ADIG: variants seen among roughly 807,000 people sequenced by gnomAD.
The protein encoded by ADIG is adipogenesis associated.
A neutral mutation model predicts 10.7 loss-of-function variants in ADIG; 12 were observed. The ratio of observed to expected loss-of-function variants is 1.12; its 90% CI spans 0.72 to 1.82. ADIG has a LOEUF of 1.82. Among genes scored for constraint, ADIG ranks in the 40% most tolerant of loss-of-function variants. The probability of loss-of-function intolerance (pLI) is 0.00; values close to 1 mark genes in which losing one functional copy is unlikely to be tolerated. For synonymous variants in ADIG, 32 were observed against 35.6 expected (o/e 0.90, Z 0.36); for missense variants, 72 against 92.5 (o/e 0.78, Z 0.91).
chr20:38,587,280 T>A (rs1184869717), intron 2 of ADIG, among the ~76,000 whole-genome samples: 2 of 126,134 alleles, frequency 1.6e-5, no homozygotes, highest in African/African-American at 4.7e-5. Flanking sequence ...TGAAGTTGGT[T>A]CATGCAGTGT....
At chr20:38,586,424 C>A (rs933581897) in intron 2 of ADIG, among the ~76,000 whole-genome samples, 2 of 152,208 alleles carry the variant, frequency 1.3e-5, no homozygotes, top group African/African-American at 4.8e-5. Context: ...TCACCCCCCA[C>A]CACTTTCCTG....
intron 1 of ADIG, 71 bp from the exon 2 acceptor site, chr20:38,585,958 G>T: frequency 6.9e-7 from 1 of 1,447,446 alleles, no homozygotes; most frequent in South Asian, 1.3e-5. Flanking sequence ...CCTGGCAGGG[G>T]ACTCCTTCCT....
At chr20:38,582,225 C>T (rs1315694119) in intron 1 of ADIG, among the ~76,000 whole-genome samples, 6 of 152,284 alleles carry the variant, frequency 3.9e-5, no homozygotes, top group African/African-American at 9.6e-5. Flanking sequence ...GGCTGGGCAA[C>T]GTCCCTACAA....
rs372230740 is a variant in ADIG at position 38,588,461 on chromosome 20, C to A, written c.*375C>A. Reference sequence around the variant, plus strand: ...CATACCCGGGGGACCCCTGACAAACCTACCAGGCCTGACCAAGTCATTCAT... The same window carrying A: ...CATACCCGGGGGACCCCTGACAAACATACCAGGCCTGACCAAGTCATTCAT... On this transcript the variant is annotated 3_prime_UTR_variant, in exon 3 of 3. Transcript: ENST00000537425. The A allele has an allele frequency of 8.3e-7, 1 of 1,207,878 alleles. No individual in the cohort carries two copies. 74.8% of individuals were successfully genotyped at this position (1,207,878 alleles called of 1,614,324 possible). A position where few individuals can be genotyped will look rare whatever the true frequency, so the allele number is the denominator to read the frequency against.
At chr20:38,583,015 A>G (rs2088602240) in intron 1 of ADIG, among the ~76,000 whole-genome samples, 1 of 151,908 alleles carries the variant, frequency 6.6e-6, no homozygotes, top group African/African-American at 2.4e-5. Flanking sequence ...ATGGGGTTTC[A>G]CCATGTTAGC....
intron 2 of ADIG, among the ~76,000 whole-genome samples, chr20:38,586,790 C>T (rs535241796): frequency 1.3e-4 from 20 of 152,104 alleles, no homozygotes; most frequent in Non-Finnish European, 1.8e-4. Context: ...CTGTCTGAAC[C>T]GTTCCCCTTC....
Position 38,584,664 on chromosome 20 carries a change from T to G in ADIG, c.125-1365T>G, listed in dbSNP as rs1260327132. Among the ~76,000 whole-genome samples the G allele has an allele frequency of 2.0e-5, 3 of 152,318 alleles. No homozygotes were observed. In the East Asian group the frequency reaches 5.8e-4, roughly 29 times the overall value. The stretch of plus-strand genomic sequence containing the variant: ...AGTACAAAAAATACTAGTAATTGAC[T>G]TCAGGAAGGTGTTAAGAGGATCAGA... On this transcript the variant is annotated intron_variant, in intron 1 of 2. Transcript: ENST00000537425.
chr20:38,584,881 G>C (rs943678045), intron 1 of ADIG, among the ~76,000 whole-genome samples: 1 of 152,056 alleles, frequency 6.6e-6, no homozygotes, highest in Non-Finnish European at 1.5e-5. Context: ...TGGTTCAAGC[G>C]ATTCTCCTGC....
intron 1 of ADIG, chr20:38,585,783 G>C: frequency 1.6e-6 from 1 of 607,410 alleles, no homozygotes; most frequent in Non-Finnish European, 2.9e-6. Context: ...GCTCACCTCT[G>C]TGTCCTCCCC....
In ADIG at chr20:38,581,276, T is replaced by TGAAC; in HGVS notation, c.29_32dup (p.Asp11GlufsTer31). On this transcript the variant is annotated frameshift_variant, in exon 1 of 3. Coordinates refer to ENST00000537425, the MANE Select transcript of ADIG (RefSeq NM_001393816.1). LOFTEE classifies it high-confidence loss of function. The stretch of plus-strand genomic sequence containing the variant: ...ATGAAGTACCCTTTGATGCCGCTGG[T>TGAAC]GAACGACCTCACATTTTCTTTCCTG... 1 of 1,613,658 alleles carries TGAAC rather than the reference T, an allele frequency of 6.2e-7. No individual in the cohort carries two copies. Among genetic ancestry groups the TGAAC allele is most frequent in the Non-Finnish European group, 8.5e-7 (1 of 1,179,796 alleles).
intron 1 of ADIG, among the ~76,000 whole-genome samples, chr20:38,584,640 G>A (rs534578517): frequency 6.6e-6 from 1 of 152,316 alleles, no homozygotes; most frequent in South Asian, 2.1e-4. Flanking sequence ...CATCTGTAAA[G>A]TACAAAAAAT....
intron 1 of ADIG, among the ~76,000 whole-genome samples, chr20:38,582,103 TC>T (rs975664779): frequency 9.9e-5 from 15 of 152,258 alleles, no homozygotes; most frequent in Admixed American, 8.5e-4. Flanking sequence ...TCCCTGAGCA[TC>T]CCCTTCAGCA....
chr20:38,585,962 C>G, intron 1 of ADIG, 67 bp from the exon 2 acceptor site: 4 of 1,486,386 alleles, frequency 2.7e-6, no homozygotes, highest in Non-Finnish European at 3.7e-6. Context: ...GCAGGGGACT[C>G]CTTCCTGGGT....
At chr20:38,584,838 C>T (rs1035250768) in intron 1 of ADIG, among the ~76,000 whole-genome samples, 2 of 151,670 alleles carry the variant, frequency 1.3e-5, no homozygotes, top group Non-Finnish European at 1.5e-5. Context: ...AGTGCAGTGG[C>T]GCGATCTCGG....
At chr20:38,585,611 G>A (rs2088629487) in intron 1 of ADIG, 11 of 1,363,288 alleles carry the variant, frequency 8.1e-6, no homozygotes, top group Non-Finnish European at 1.1e-5. Flanking sequence ...TTGTTCGTGT[G>A]TGCGTGTTTC....
intron 1 of ADIG, among the ~76,000 whole-genome samples, chr20:38,583,797 CG>C (rs1311128793): frequency 6.6e-6 from 1 of 152,204 alleles, no homozygotes; most frequent in Non-Finnish European, 1.5e-5. Context: ...TGTCATGTGG[CG>C]TTTTGAAATA....
chr20:38,585,791 C>G (rs574759526), intron 1 of ADIG: 4 of 607,914 alleles, frequency 6.6e-6, no homozygotes, highest in Non-Finnish European at 8.7e-6. Context: ...CTGTGTCCTC[C>G]CCTCTAGATA....
intron 1 of ADIG, 119 bp downstream of exon 1, chr20:38,581,493 C>T (rs182168213): frequency 1.3e-5 from 18 of 1,405,644 alleles, no homozygotes; most frequent in Non-Finnish European, 1.7e-5. Context: ...TTTAAGTGCT[C>T]GCTTAGATAC....
At chr20:38,582,079 C>T (rs2088595322) in intron 1 of ADIG, among the ~76,000 whole-genome samples, 1 of 152,146 alleles carries the variant, frequency 6.6e-6, no homozygotes, top group Non-Finnish European at 1.5e-5. Flanking sequence ...ACTTCTGCTC[C>T]TCTGGCATGT....
Sources: allele counts gnomAD v4.1 joint callset (sites outside exome capture counted in the v4.1 genomes callset), GRCh38; gene constraint gnomAD v4.1.1; transcripts MANE v1.5; gene names NCBI Gene and HGNC (gene_info 2026-07-23, HGNC 2026-07-21).